SLC7A6: variants seen among roughly 807,000 people sequenced by gnomAD.
SLC7A6 encodes solute carrier family 7 member 6.
A neutral mutation model predicts 46.6 loss-of-function variants in SLC7A6; 29 were observed. The ratio of observed to expected loss-of-function variants is 0.62; its 90% CI spans 0.46 to 0.85. The LOEUF (loss-of-function observed/expected upper bound fraction) is 0.85, where lower values mean the gene tolerates loss of function less well. Ranked by LOEUF, SLC7A6 falls within the 40% of genes least tolerant of loss-of-function variation. The probability of loss-of-function intolerance (pLI) is 0.00; values close to 1 mark genes in which losing one functional copy is unlikely to be tolerated. For synonymous variants in SLC7A6, 276 were observed against 257.3 expected, an observed-to-expected ratio of 1.07 and a Z score of -0.70; for missense variants, 527 against 647.6, an observed-to-expected ratio of 0.81 and a Z score of 2.02.
intron 2 of SLC7A6, among the ~76,000 whole-genome samples, chr16:68,267,673 T>C (rs996012911): frequency 1.3e-5 from 2 of 152,218 alleles, no homozygotes; most frequent in African/African-American, 4.8e-5. Context: ...ATACAACTCC[T>C]AAAATACTTA....
intron 2 of SLC7A6, among the ~76,000 whole-genome samples, chr16:68,271,458 A>T (rs201225486): frequency 1.3e-4 from 1 of 7,952 alleles, no homozygotes. Flanking sequence ...GGTGTGTGCC[A>T]TGCCACCATG....
intron 2 of SLC7A6, among the ~76,000 whole-genome samples, chr16:68,269,347 C>T (rs1257558746): frequency 6.6e-6 from 1 of 151,934 alleles, no homozygotes; most frequent in East Asian, 1.9e-4. Context: ...TGCCAGATAC[C>T]GTGTGTGGAA....
At chr16:68,277,056 T>C (rs933796647) in intron 3 of SLC7A6, among the ~76,000 whole-genome samples, 1 of 151,714 alleles carries the variant, frequency 6.6e-6, no homozygotes, top group Non-Finnish European at 1.5e-5. Flanking sequence ...ATTAAATTAC[T>C]CTTAAGTCAT....
At position 68,274,882 on chromosome 16, in the gene SLC7A6, C is replaced by G. The variant is rs1399755081; in HGVS notation, c.156C>G (p.Ser52Arg). ...AGATCTCCCTGCTGAATGGGGTCAG[C>G]CTGGTGGTGGGCAACATGATCGGCT... ...KKEISLLNGV[S>R]LVVGNMIGSG... The change falls in exon 3 of 11, where the codon AGC becomes AGG. Residue 52 changes from serine (S) to arginine (R), a missense_variant. By Grantham distance (110) the Ser-to-Arg change is moderately radical (BLOSUM62 -1). Transcript: ENST00000219343. 1 of 1,614,072 alleles carries G rather than the reference C, an allele frequency of 6.2e-7. No individual in the cohort carries two copies. Among genetic ancestry groups the G allele is most frequent in the Non-Finnish European group, 8.5e-7 (1 of 1,180,036 alleles).
Position 68,287,771 on chromosome 16 carries a change from C to T in SLC7A6, c.549C>T (p.Ala183=). Reference sequence around the variant, plus strand: ...GTCTGCTGACATTTGTGAACTGTGCCTATGTCAAGTGGGGCACACGTGTGC... The same window carrying T: ...GTCTGCTGACATTTGTGAACTGTGCTTATGTCAAGTGGGGCACACGTGTGC... ...CICLLTFVNC[A]YVKWGTRVQD... The change falls in exon 4 of 11, where the codon GCC becomes GCT. Residue 183 remains alanine, a synonymous_variant. Transcript: ENST00000219343. 1.2e-6 allele frequency: 2 copies of T among 1,614,124 alleles called. No individual in the cohort carries two copies. Among genetic ancestry groups the T allele is most frequent in the East Asian group, 2.2e-5 (1 of 44,882 alleles).
At chr16:68,290,345 C>T (rs1178141504) in intron 4 of SLC7A6, 51 bp from the exon 5 acceptor site, 5 of 1,606,924 alleles carry the variant, frequency 3.1e-6, no homozygotes, top group Non-Finnish European at 3.4e-6. Context: ...TTCCTTTCTC[C>T]TTTGGCCTGT....
chr16:68,280,199 A>C (rs768704126), intron 3 of SLC7A6, among the ~76,000 whole-genome samples: 6 of 152,236 alleles, frequency 3.9e-5, no homozygotes, highest in Admixed American at 1.3e-4. Flanking sequence ...GTCTGCACTG[A>C]ATCTAGGGTA....
intron 2 of SLC7A6, among the ~76,000 whole-genome samples, chr16:68,269,051 C>G (rs1346555004): frequency 6.6e-6 from 1 of 152,042 alleles, no homozygotes; most frequent in Admixed American, 6.6e-5. Context: ...TTTACCTAGG[C>G]TATTTGATAT....
chr16:68,266,996 G>A (rs960982458), intron 2 of SLC7A6, among the ~76,000 whole-genome samples: 1 of 151,598 alleles, frequency 6.6e-6, no homozygotes, highest in Non-Finnish European at 1.5e-5. Flanking sequence ...GTGTGGTGGC[G>A]CAATCTCTGC....
In SLC7A6 at chr16:68,296,806, C is replaced by T. The variant is rs781519435; in HGVS notation, c.1449C>T (p.Val483=). 6 of 1,613,996 alleles carry T rather than the reference C, an allele frequency of 3.7e-6. No homozygotes were observed. The South Asian group carries it at 5.5e-5, about 15-fold the overall frequency. ...GGAGGCCATTGTTTATTCGGAATGT[C>T]CTGGGTGAGCTTCTCTGTGCCCCAT... ...ESRRPLFIRN[V]LAAITRGTQQ... The change falls in exon 10 of 11, where the codon GTC becomes GTT. Residue 483 remains valine, a synonymous_variant. Coordinates refer to ENST00000219343, the MANE Select transcript of SLC7A6 (RefSeq NM_003983.6).
chr16:68,286,591 A>G (rs1264803806), intron 3 of SLC7A6, among the ~76,000 whole-genome samples: 1 of 152,236 alleles, frequency 6.6e-6, no homozygotes, highest in Non-Finnish European at 1.5e-5. Flanking sequence ...CAGTACTCAC[A>G]GATGTCACTG....
Position 68,266,707 on chromosome 16 carries a change from CG to C in SLC7A6, c.-50del, listed in dbSNP as rs1461143464. On this transcript the variant is annotated 5_prime_UTR_variant, in exon 2 of 11. An upstream open reading frame in the 5' UTR gains an earlier in-frame stop. Coordinates refer to ENST00000219343, the MANE Select transcript of SLC7A6 (RefSeq NM_003983.6). ...GTGGCTTATGAAAGTGTGATGTTCG[CG>C]TATTTCTTGACAGGTGAATATTGTT... 1 of 151,908 alleles carries C rather than the reference CG, an allele frequency of 6.6e-6. No individual in the cohort carries two copies. Among genetic ancestry groups the C allele is most frequent in the Non-Finnish European group, 1.5e-5 (1 of 68,012 alleles). The allele number at this position is 151,908 out of a possible 1,614,324, so 9.4% of individuals were successfully genotyped here.
chr16:68,297,415 A>C lies in SLC7A6; in HGVS notation c.*87A>C. 1 of 1,115,362 alleles carries C rather than the reference A, an allele frequency of 9.0e-7. No homozygotes were observed. The highest frequency in any genetic ancestry group is 1.3e-6 in the Non-Finnish European group (1 of 755,690). The allele number at this position is 1,115,362 out of a possible 1,614,324, so 69.1% of individuals were successfully genotyped here. On this transcript the variant is annotated 3_prime_UTR_variant, in exon 11 of 11. Transcript: ENST00000219343. Reference sequence around the variant, plus strand: ...GACTCTGTGGGCCCAACTCTCCTGAATTAAAGGAGCCTTTTGACCCAATCA... The same window carrying C: ...GACTCTGTGGGCCCAACTCTCCTGACTTAAAGGAGCCTTTTGACCCAATCA...
chr16:68,278,851 C>T (rs955025727), intron 3 of SLC7A6, among the ~76,000 whole-genome samples: 62 of 151,506 alleles, frequency 4.1e-4, no homozygotes, highest in African/African-American at 1.5e-3. Flanking sequence ...GGGTGGCGGC[C>T]GGGCAGAGGG....
intron 2 of SLC7A6, chr16:68,272,997 G>A (rs1312833752): frequency 1.3e-5 from 2 of 152,236 alleles, no homozygotes; most frequent in African/African-American, 4.8e-5. Flanking sequence ...GTGCCAGAGT[G>A]AGAGCAAAAG....
Position 68,300,044 on chromosome 16 carries a change from C to G in SLC7A6, c.*2716C>G, listed in dbSNP as rs2043242078. ...ACCTCCCTGTGTAACTCACCTTCCC[C>G]CATGACAGTGAGTAAGAGACACTCA... is the stretch of plus-strand genomic sequence containing the variant. On this transcript the variant is annotated 3_prime_UTR_variant, in exon 11 of 11. Coordinates refer to ENST00000219343, the MANE Select transcript of SLC7A6 (RefSeq NM_003983.6). 6.6e-6 allele frequency: 1 copy of G among 152,108 alleles called. No homozygotes were observed. The highest frequency in any genetic ancestry group is 2.4e-5 in the African/African-American group (1 of 41,384). The allele number at this position is 152,108 out of a possible 1,614,324, so 9.4% of individuals were successfully genotyped here.
At chr16:68,291,452 A>G (rs963726173) in intron 6 of SLC7A6, 106 bp from the exon 7 acceptor site, 1 of 1,576,906 alleles carries the variant, frequency 6.3e-7, no homozygotes, top group Non-Finnish European at 8.7e-7. Context: ...AGTCTAGGCC[A>G]GAGGGTGGGC....
chr16:68,295,004 G>C lies in SLC7A6; in HGVS notation c.1119+203G>C, dbSNP rs2043134633. 3 of 466,090 alleles carry C rather than the reference G, an allele frequency of 6.4e-6. No individual in the cohort carries two copies. In the South Asian group the frequency reaches 9.8e-5, roughly 15 times the overall value. The allele number at this position is 466,090 out of a possible 1,614,324, so 28.9% of individuals were successfully genotyped here. On this transcript the variant is annotated intron_variant, in intron 8 of 10. Coordinates refer to ENST00000219343, the MANE Select transcript of SLC7A6 (RefSeq NM_003983.6). Reference sequence around the variant, plus strand: ...AATCTGGAATTTATATTATAGCATAGTATTGAGAAAGGTGGGGATTCACTT... The same window carrying C: ...AATCTGGAATTTATATTATAGCATACTATTGAGAAAGGTGGGGATTCACTT...
intron 1 of SLC7A6, chr16:68,265,609 A>G (rs1432969685): frequency 1.3e-5 from 2 of 151,992 alleles, no homozygotes; most frequent in Non-Finnish European, 2.9e-5. Context: ...GTACTTCCTT[A>G]TATCAGTTCC....
Sources: allele counts gnomAD v4.1 joint callset (sites outside exome capture counted in the v4.1 genomes callset), GRCh38; gene constraint gnomAD v4.1.1; transcripts MANE v1.5; gene names NCBI Gene and HGNC (gene_info 2026-07-23, HGNC 2026-07-21).